The following ZFPM2 variants were observed in gnomAD, a reference collection of about 807,000 sequenced individuals.
ZFPM2 encodes the protein zinc finger protein ZFPM2.
ZFPM2 carries 20 observed loss-of-function variants against 98.6 expected under a neutral mutation model. The observed-to-expected ratio is 0.20, with a 90% CI of 0.14 to 0.29. ZFPM2 has a LOEUF of 0.29. Ranked by LOEUF, ZFPM2 falls within the 10% of genes least tolerant of loss-of-function variation. ZFPM2 has a pLI of 1.00. For synonymous variants in ZFPM2, 518 were observed against 502.7 expected (o/e 1.03, Z -0.41); for missense variants, 1,310 against 1,388.6 (o/e 0.94, Z 0.90).
intron 5 of ZFPM2, among the ~76,000 whole-genome samples, chr8:105,664,015 T>C (rs1563511398): frequency 1.3e-5 from 2 of 152,160 alleles, no homozygotes; most frequent in Admixed American, 1.3e-4. Flanking sequence ...ATGAAGAAGA[T>C]TTAGCCTCAC....
chr8:105,424,753 T>C (rs1361086381), intron 2 of ZFPM2, among the ~76,000 whole-genome samples: 1 of 152,142 alleles, frequency 6.6e-6, no homozygotes, highest in Non-Finnish European at 1.5e-5. Flanking sequence ...TCAATACAAC[T>C]CAACCCATAT....
chr8:105,453,603 C>G (rs1013203066), intron 3 of ZFPM2, among the ~76,000 whole-genome samples: 2 of 151,580 alleles, frequency 1.3e-5, no homozygotes, highest in African/African-American at 2.4e-5. Flanking sequence ...TCAATTCCTT[C>G]TAAATTTTTT....
chr8:105,467,911 T>C (rs569919084), intron 3 of ZFPM2, among the ~76,000 whole-genome samples: 34 of 152,156 alleles, frequency 2.2e-4, no homozygotes, highest in Middle Eastern at 3.4e-3. Context: ...AAGGATGATT[T>C]GGCAAAAATC....
At chr8:105,519,213 C>T (rs1365893334) in intron 3 of ZFPM2, among the ~76,000 whole-genome samples, 2 of 152,060 alleles carry the variant, frequency 1.3e-5, no homozygotes, top group Non-Finnish European at 2.9e-5. Context: ...AAACCCATTT[C>T]CAGAGCCCGT....
chr8:105,617,321 C>T (rs1404692415), intron 4 of ZFPM2, among the ~76,000 whole-genome samples: 2 of 152,058 alleles, frequency 1.3e-5, no homozygotes, highest in African/African-American at 2.4e-5. Context: ...TTTTGTCTTC[C>T]CAGTTTAAAC....
At chr8:105,330,617 T>TATATATATACATATATATATACAC (rs1812210777) in intron 1 of ZFPM2, among the ~76,000 whole-genome samples, 1 of 58,868 alleles carries the variant, frequency 1.7e-5, no homozygotes, top group African/African-American at 1.0e-4. Flanking sequence ...TATACACATA[T>TATATATATACATATATATATACAC]ATATATATAT....
At chr8:105,712,811 C>T (rs578016388) in intron 5 of ZFPM2, among the ~76,000 whole-genome samples, 57 of 152,100 alleles carry the variant, frequency 3.7e-4, no homozygotes, top group African/African-American at 1.2e-3. Flanking sequence ...TGCAATATTT[C>T]GTTTTCTATT....
At chr8:105,579,149 G>A (rs1264636473) in intron 4 of ZFPM2, among the ~76,000 whole-genome samples, 1 of 151,430 alleles carries the variant, frequency 6.6e-6, no homozygotes, top group African/African-American at 2.4e-5. Context: ...CTATATTTTT[G>A]TCAAATTCTT....
At chr8:105,592,245 T>C (rs1292501547) in intron 4 of ZFPM2, among the ~76,000 whole-genome samples, 6 of 151,900 alleles carry the variant, frequency 3.9e-5, no homozygotes, top group South Asian at 4.2e-4. Context: ...TTTTCCCCCC[T>C]GATGCATTGT....
intron 1 of ZFPM2, among the ~76,000 whole-genome samples, chr8:105,332,644 A>G (rs536182212): frequency 5.3e-5 from 8 of 151,686 alleles, no homozygotes; most frequent in Non-Finnish European, 7.4e-5. Flanking sequence ...ATTACATAGT[A>G]AGTACACTAT....
chr8:105,408,176 C>T (rs1243675256), intron 1 of ZFPM2, among the ~76,000 whole-genome samples: 4 of 151,908 alleles, frequency 2.6e-5, no homozygotes, highest in African/African-American at 9.7e-5. Flanking sequence ...TCACACCCTA[C>T]CCGCTCTCCT....
intron 5 of ZFPM2, among the ~76,000 whole-genome samples, chr8:105,650,745 T>G (rs1417043390): frequency 6.6e-6 from 1 of 152,200 alleles, no homozygotes; most frequent in Non-Finnish European, 1.5e-5. Context: ...TGAGAGACAG[T>G]TTGTTTTAAT....
intron 1 of ZFPM2, chr8:105,387,125 C>A (rs1253141498): frequency 6.6e-6 from 1 of 152,460 alleles, no homozygotes; most frequent in Admixed American, 6.5e-5. Context: ...CATTCACAAA[C>A]CCTGAGCTAG....
At chr8:105,750,623 T>G (rs955020682) in intron 5 of ZFPM2, among the ~76,000 whole-genome samples, 2 of 152,066 alleles carry the variant, frequency 1.3e-5, no homozygotes, top group Admixed American at 6.6e-5. Context: ...TTTTACTCCA[T>G]GTACTCTGTA....
intron 6 of ZFPM2, among the ~76,000 whole-genome samples, chr8:105,793,927 A>T (rs1027982276): frequency 2.6e-5 from 4 of 151,996 alleles, no homozygotes; most frequent in Non-Finnish European, 5.9e-5. Flanking sequence ...TTCAGCTCCA[A>T]CAGCTCCTTT....
chr8:105,321,140 A>G (rs2130642030), intron 1 of ZFPM2, among the ~76,000 whole-genome samples: 1 of 152,160 alleles, frequency 6.6e-6, no homozygotes, highest in Non-Finnish European at 1.5e-5. Flanking sequence ...GGGGTGGGGG[A>G]GATACTTAAA....
intron 3 of ZFPM2, among the ~76,000 whole-genome samples, chr8:105,469,341 G>C (rs2130340046): frequency 6.6e-6 from 1 of 152,256 alleles, no homozygotes; most frequent in East Asian, 1.9e-4. Context: ...GATCTCTTCT[G>C]TTTTACATCT....
intron 6 of ZFPM2, among the ~76,000 whole-genome samples, chr8:105,794,655 T>TTTTG (rs920052983): frequency 6.6e-6 from 1 of 152,160 alleles, no homozygotes; most frequent in African/African-American, 2.4e-5. Flanking sequence ...ACTGCTGTCT[T>TTTTG]TTTGTTTGTC....
At chr8:105,445,042 A>G (rs1812338817) in intron 3 of ZFPM2, among the ~76,000 whole-genome samples, 1 of 152,236 alleles carries the variant, frequency 6.6e-6, no homozygotes, top group African/African-American at 2.4e-5. Flanking sequence ...ATATTTATAA[A>G]TGGAGACTAT....
Sources: gnomAD v4.1 joint callset for allele counts (sites outside exome capture counted in the v4.1 genomes callset) on GRCh38, gnomAD v4.1.1 for gene constraint, MANE v1.5 for transcripts, NCBI Gene and HGNC (gene_info 2026-07-23, HGNC 2026-07-21) for gene names.